NDUFAF6: variants seen among roughly 807,000 people sequenced by gnomAD.
NDUFAF6 encodes NADH:ubiquinone oxidoreductase complex assembly factor 6, also known as NADH dehydrogenase (ubiquinone) complex I, assembly factor 6.
In NDUFAF6, 45 loss-of-function variants were observed where a neutral mutation model predicts 40.8. The ratio of observed to expected loss-of-function variants is 1.10; its 90% CI spans 0.87 to 1.42. The LOEUF (loss-of-function observed/expected upper bound fraction) is 1.42. Ranked by LOEUF, NDUFAF6 falls within the 40% of genes most tolerant of loss-of-function variation. The pLI is 0.00. For missense variants in NDUFAF6, 435 were observed against 418.5 expected (o/e 1.04, Z -0.34); for synonymous variants, 185 against 155.9 (o/e 1.19, Z -1.39).
chr8:94,911,966 G>A (rs1399730649), intron 1 of NDUFAF6, among the ~76,000 whole-genome samples: 2 of 152,172 alleles, frequency 1.3e-5, no homozygotes, highest in Non-Finnish European at 2.9e-5. Flanking sequence ...ACTGCTGTTC[G>A]TAATGACAGT....
chr8:94,997,355 G>GAGAC (rs1826498180), intron 2 of NDUFAF6, among the ~76,000 whole-genome samples: 2 of 150,666 alleles, frequency 1.3e-5, no homozygotes, highest in South Asian at 4.2e-4. Context: ...GAGAGAGAGA[G>GAGAC]AGAGAGAGAG....
chr8:94,956,309 G>A (rs140866936), upstream of NDUFAF6, among the ~76,000 whole-genome samples: 57 of 152,320 alleles, frequency 3.7e-4, no homozygotes, highest in African/African-American at 1.4e-3. Context: ...GTCAAGGAAG[G>A]CCTCTCCAGA....
At position 95,035,568 on chromosome 8, in the gene NDUFAF6, C is replaced by G. The variant is rs532907065; in HGVS notation, c.412C>G (p.Leu138Val). The G allele has an allele frequency of 1.3e-6, 2 of 1,556,930 alleles. No homozygotes were observed. Among genetic ancestry groups the G allele is most frequent in the Admixed American group, 3.9e-5 (2 of 51,814 alleles). The change falls in exon 3 of 9, where the codon CTA becomes GTA. Residue 138 changes from leucine to valine, a missense_variant. Coordinates refer to ENST00000396124, the MANE Select transcript of NDUFAF6 (RefSeq NM_152416.4). ...ACCACATCAGCCTGTGGCCATTGAACTATGGAAGGTAAAAAAAAAAAAATA... is the reference window on the plus strand; with the variant it reads ...ACCACATCAGCCTGTGGCCATTGAAGTATGGAAGGTAAAAAAAAAAAAATA... ...NPPHQPVAIELWKAVKRHNLT... is the reference protein window; with the variant it reads ...NPPHQPVAIEVWKAVKRHNLT...
chr8:95,082,445 C>G (rs939777224), intron 2 of NDUFAF6, among the ~76,000 whole-genome samples: 14 of 152,160 alleles, frequency 9.2e-5, no homozygotes, highest in African/African-American at 3.1e-4. Context: ...TATTCTCATA[C>G]TGTCAGAATC....
At chr8:94,915,230 T>C (rs1035521484) in intron 1 of NDUFAF6, among the ~76,000 whole-genome samples, 2 of 152,072 alleles carry the variant, frequency 1.3e-5, no homozygotes, top group African/African-American at 4.8e-5. Flanking sequence ...GGATTACAGA[T>C]GTAAGTGACT....
rs537650686 is a variant in NDUFAF6, at chr8:94,899,639, C to T, written c.-936+3712C>T. Among the ~76,000 whole-genome samples the T allele has an allele frequency of 2.8e-4, 42 of 152,340 alleles. No individual in the cohort carries two copies. In the East Asian group the frequency reaches 5.4e-3, roughly 20 times the overall value. ...CCAGCTCACCTGTGCTGTGCTGCCT[C>T]CATTTATCACCAAATTCCTTTCTCT... On this transcript the variant is annotated intron_variant, in intron 1 of 14. Coordinates refer to the NDUFAF6 transcript ENST00000396113.
intron 2 of NDUFAF6, among the ~76,000 whole-genome samples, chr8:95,016,391 T>C (rs892598485): frequency 2.6e-5 from 4 of 152,220 alleles, no homozygotes; most frequent in African/African-American, 7.2e-5. Flanking sequence ...GAAGTTCTCT[T>C]CTGGCGTCTG....
chr8:94,929,054 T>C (rs758090691), intron 1 of NDUFAF6: 1 of 152,658 alleles, frequency 6.6e-6, no homozygotes, highest in Non-Finnish European at 1.5e-5. Context: ...AGTGACTGGC[T>C]AGAGGTAAGG....
rs552008569 is a variant in NDUFAF6 at position 94,940,100 on chromosome 8, T to C, written c.-935-5383T>C. On this transcript the variant is annotated intron_variant, in intron 1 of 14. Transcript: ENST00000396113. ...CTGGAGAAAGCAGGAATCACTTGTA[T>C]CAGCCAAGCACTCAAGAGATGCCGG... 184 of 1,614,208 alleles carry C rather than the reference T, an allele frequency of 1.1e-4. No individual in the cohort carries two copies. In the South Asian group the frequency reaches 1.1e-3, roughly 10 times the overall value.
chr8:95,037,577 G>A (rs932514267), intron 3 of NDUFAF6, among the ~76,000 whole-genome samples: 5 of 152,118 alleles, frequency 3.3e-5, no homozygotes, highest in African/African-American at 7.2e-5. Context: ...TAGTAGTGCC[G>A]AGAACACTTA....
chr8:95,090,907 A>C (rs976795688), intron 2 of NDUFAF6, among the ~76,000 whole-genome samples: 1 of 152,092 alleles, frequency 6.6e-6, no homozygotes, highest in African/African-American at 2.4e-5. Flanking sequence ...ATTGGACTCC[A>C]AGTTCTTCAG....
At chr8:95,098,943 C>T (rs982776779), upstream of NDUFAF6, among the ~76,000 whole-genome samples, 12 of 150,644 alleles carry the variant, frequency 8.0e-5, no homozygotes, top group African/African-American at 2.9e-4. Context: ...AAACAAAAAA[C>T]AAAAAACTGG....
At chr8:95,016,222 A>G (rs944803393) in intron 2 of NDUFAF6, among the ~76,000 whole-genome samples, 2 of 152,244 alleles carry the variant, frequency 1.3e-5, no homozygotes, top group Non-Finnish European at 2.9e-5. Context: ...GGATGATTAT[A>G]TAATTATTTC....
intron 2 of NDUFAF6, among the ~76,000 whole-genome samples, chr8:94,995,926 T>A (rs1826408666): frequency 6.6e-6 from 1 of 152,174 alleles, no homozygotes; most frequent in African/African-American, 2.4e-5. Flanking sequence ...TACAGGTGCA[T>A]GCCACCACGC....
In NDUFAF6 at chr8:95,025,061, C is replaced by A; in HGVS notation, c.53C>A (p.Pro18His). 7.0e-7 allele frequency: 1 copy of A among 1,429,866 alleles called. No individual in the cohort carries two copies. The highest frequency in any genetic ancestry group is 9.1e-7 in the Non-Finnish European group (1 of 1,103,442). 88.6% of individuals were successfully genotyped at this position (1,429,866 alleles called of 1,614,324 possible). The change falls in exon 1 of 9, where the codon CCC becomes CAC. Residue 18 changes from proline (P) to histidine (H), a missense_variant. Physicochemically the swap from Pro to His is moderately conservative, Grantham distance 77. Coordinates refer to ENST00000396124, the MANE Select transcript of NDUFAF6 (RefSeq NM_152416.4). ...TGGGGGCCGTTGCGGCTTGGCATCC[C>A]CGGCCTGTGCTGCCGCCGGCCGCCT... ...SVWGPLRLGIPGLCCRRPPLG... is the reference protein window; with the variant it reads ...SVWGPLRLGIHGLCCRRPPLG...
At chr8:94,949,991 C>G (rs542028016) in intron 2 of NDUFAF6, 1 of 152,562 alleles carries the variant, frequency 6.6e-6, no homozygotes, top group Non-Finnish European at 1.5e-5. Flanking sequence ...GAAACCGCCA[C>G]CGAGAGCCGG....
chr8:95,107,117 A>G (rs1809862706), downstream of NDUFAF6, among the ~76,000 whole-genome samples: 1 of 152,238 alleles, frequency 6.6e-6, no homozygotes. Flanking sequence ...CATTTGTCCC[A>G]GCAACCCATT....
rs1346144335 is a variant in NDUFAF6, at chr8:94,940,031, G to A, written c.-935-5452G>A. ...TAATCCACCTGCAGTAAAACATGGG[G>A]GTGGGGTGATAAACCAGCTCTCCTC... On this transcript the variant is annotated intron_variant, in intron 1 of 14. Coordinates refer to the NDUFAF6 transcript ENST00000396113. The A allele has an allele frequency of 1.9e-6, 3 of 1,614,054 alleles. No individual in the cohort carries two copies. The African/African-American group carries it at 4.0e-5, about 22-fold the overall frequency.
intron 1 of NDUFAF6, among the ~76,000 whole-genome samples, chr8:94,911,252 G>A (rs1398682773): frequency 6.6e-6 from 1 of 151,984 alleles, no homozygotes; most frequent in East Asian, 1.9e-4. Flanking sequence ...ATAAACAGAT[G>A]GATTATAAGC....
Sources: gnomAD v4.1 joint callset for allele counts (sites outside exome capture counted in the v4.1 genomes callset) on GRCh38, gnomAD v4.1.1 for gene constraint, MANE v1.5 for transcripts, NCBI Gene and HGNC (gene_info 2026-07-23, HGNC 2026-07-21) for gene names.